MYH14: variants seen among roughly 807,000 people sequenced by gnomAD.
MYH14 encodes myosin heavy chain 14.
Under a neutral mutation model 255.5 loss-of-function variants are expected in MYH14, and 123 were observed. That is an observed-to-expected ratio of 0.48 (90% CI 0.42 to 0.56). The LOEUF is 0.56. Among genes scored for constraint, MYH14 ranks in the 20% least tolerant of loss-of-function variants. MYH14 has a pLI of 0.00. For missense variants in MYH14, 2,423 were observed against 2,802.3 expected, an observed-to-expected ratio of 0.86 and a Z score of 3.06; for synonymous variants, 1,095 against 1,161.2, an observed-to-expected ratio of 0.94 and a Z score of 1.16.
At chr19:50,243,960 C>T (rs1568491363) in intron 10 of MYH14, among the ~76,000 whole-genome samples, 1 of 151,760 alleles carries the variant, frequency 6.6e-6, no homozygotes, top group Non-Finnish European at 1.5e-5. Context: ...AAGGCCTGCC[C>T]AGTGTCAAAG....
chr19:50,280,305 C>T lies in MYH14; in HGVS notation c.4212C>T (p.Ala1404=), dbSNP rs774053333. 5.2e-6 allele frequency: 8 copies of T among 1,550,858 alleles called. No homozygotes were observed. The highest frequency in any genetic ancestry group is 3.6e-5 in the South Asian group (3 of 84,018). Residue 1404 remains alanine (A), a synonymous_variant, in exon 32 of 43, where the codon GCC becomes GCT. Transcript: ENST00000642316. The surrounding 1 kb of genome is among the most constrained non-coding windows in gnomAD (Gnocchi z 4.8). ...SRVRAMEAEA[A]GLREQLEEEA... ...TGCGAGCCATGGAGGCTGAGGCAGC[C>T]GGGCTGCGTGAGCAGCTGGAGGAGG... is the stretch of plus-strand genomic sequence containing the variant.
At chr19:50,264,910 T>C (rs1237961383) in intron 22 of MYH14, among the ~76,000 whole-genome samples, 1 of 151,800 alleles carries the variant, frequency 6.6e-6, no homozygotes, top group Non-Finnish European at 1.5e-5. Context: ...CAGGGGGAAA[T>C]TGGAAAGGAA....
intron 10 of MYH14, among the ~76,000 whole-genome samples, chr19:50,233,405 G>T (rs1404150547): frequency 6.6e-6 from 1 of 152,032 alleles, no homozygotes; most frequent in Non-Finnish European, 1.5e-5. Context: ...CCTGACATCA[G>T]GTGATCCACC....
intron 10 of MYH14, among the ~76,000 whole-genome samples, chr19:50,239,823 A>G (rs2123268561): frequency 6.6e-6 from 1 of 152,258 alleles, no homozygotes; most frequent in African/African-American, 2.4e-5. Flanking sequence ...TGCTGGGATT[A>G]CAGGCGTGAG....
chr19:50,289,782 A>T, intron 35 of MYH14, 134 bp downstream of exon 35: 2 of 769,978 alleles, frequency 2.6e-6, no homozygotes, highest in Non-Finnish European at 2.1e-6. Context: ...CCGACCACTC[A>T]GTATCTCCCC....
At chr19:50,223,874 G>A (rs1476538414) in intron 5 of MYH14, among the ~76,000 whole-genome samples, 5 of 152,140 alleles carry the variant, frequency 3.3e-5, no homozygotes, top group Non-Finnish European at 5.9e-5. Flanking sequence ...TTGGGAGGCC[G>A]AGGCAGGAGG....
Position 50,271,888 on chromosome 19 carries a change from T to C in MYH14, c.3211T>C (p.Ser1071Pro), listed in dbSNP as rs560420710. 3.7e-6 allele frequency: 6 copies of C among 1,613,392 alleles called. No individual in the cohort carries two copies. The highest frequency in any genetic ancestry group is 5.1e-6 in the Non-Finnish European group (6 of 1,179,794). Residue 1071 changes from serine (S) to proline (P), a missense_variant, in exon 26 of 43, where the codon TCC becomes CCC. Physicochemically the swap from Ser to Pro is moderately conservative, Grantham distance 74. Coordinates refer to ENST00000642316, the MANE Select transcript of MYH14 (RefSeq NM_001145809.2). ...GGAAGATCGTCTGGCCGAGTTCTCA[T>C]CCCAGGCAGCTGAGGAGGAGGAGAA... ...LLEDRLAEFS[S>P]QAAEEEEKVK... is the part of the protein sequence containing the mutation.
chr19:50,210,473 G>T lies in MYH14; in HGVS notation c.108G>T (p.Ala36=). ...PFLFTPRGPS[A]GGGPGSGTSP... The stretch of plus-strand genomic sequence containing the variant: ...TGTTCACGCCCCGCGGGCCCAGCGC[G>T]GGTGGCGGGCCTGGCTCGGGCACCT... Residue 36 remains alanine, a synonymous_variant, in exon 2 of 43, where the codon GCG becomes GCT. Coordinates refer to ENST00000642316, the MANE Select transcript of MYH14 (RefSeq NM_001145809.2). The T allele has an allele frequency of 6.5e-7, 1 of 1,549,692 alleles. No homozygotes were observed. The highest frequency in any genetic ancestry group is 8.7e-7 in the Non-Finnish European group (1 of 1,148,218).
intron 16 of MYH14, 29 bp from the exon 17 acceptor site, chr19:50,255,191 C>T (rs1016367667): frequency 6.9e-6 from 10 of 1,444,848 alleles, no homozygotes; most frequent in African/African-American, 1.4e-5. Flanking sequence ...TCCCCTCCAC[C>T]CACCCACACA....
chr19:50,212,696 C>T (rs75232314), intron 2 of MYH14, among the ~76,000 whole-genome samples: 5,846 of 152,214 alleles, frequency 0.038, 120 homozygotes, highest in Middle Eastern at 0.054. Context: ...ACTTGGAGAT[C>T]GAGGCTCTGA....
chr19:50,301,944 C>G, intron 40 of MYH14, 75 bp downstream of exon 40: 1 of 1,221,686 alleles, frequency 8.2e-7, no homozygotes. Context: ...GGCTGTGTTA[C>G]AAACACGTGG....
chr19:50,264,285 G>A (rs1458377908), intron 22 of MYH14, among the ~76,000 whole-genome samples: 1 of 152,090 alleles, frequency 6.6e-6, no homozygotes, highest in African/African-American at 2.4e-5. Flanking sequence ...GGTCACACAG[G>A]CATGGACAAG....
At chr19:50,214,318 T>A (rs2032356382) in intron 2 of MYH14, among the ~76,000 whole-genome samples, 1 of 152,178 alleles carries the variant, frequency 6.6e-6, no homozygotes, top group Non-Finnish European at 1.5e-5. Flanking sequence ...GACCTGTGCT[T>A]AATACATGTT....
chr19:50,247,142 G>A lies in MYH14; in HGVS notation c.1329+20G>A. ...GAACAGGTAGGCGGGGCTGGCGGTG[G>A]GCAGGCACAGAAAGAGCCGCGCACC... On this transcript the variant is annotated intron_variant, in intron 12 of 42. Transcript: ENST00000642316. The A allele has an allele frequency of 1.3e-6, 2 of 1,572,678 alleles. No individual in the cohort carries two copies. The highest frequency in any genetic ancestry group is 1.7e-6 in the Non-Finnish European group (2 of 1,145,232).
In MYH14 at chr19:50,280,002, G is replaced by T; in HGVS notation, c.4033-35G>T. 2 of 1,509,630 alleles carry T rather than the reference G, an allele frequency of 1.3e-6. No individual in the cohort carries two copies. The highest frequency in any genetic ancestry group is 1.2e-5 in the South Asian group (1 of 84,732). The allele number at this position is 1,509,630 out of a possible 1,614,324, so 93.5% of individuals were successfully genotyped here. On this transcript the variant is annotated intron_variant, in intron 30 of 42. Transcript: ENST00000642316. This position sits in a 1 kb window ranked among gnomAD's most constrained non-coding sequence, Gnocchi z 4.8. ...GATGGGGTCACTGGGTGGAAGCCACGATTGGAGGGCTTCATTCCCGTCCCT... is the reference window on the plus strand; with the variant it reads ...GATGGGGTCACTGGGTGGAAGCCACTATTGGAGGGCTTCATTCCCGTCCCT...
At chr19:50,286,899 C>T (rs1443696602) in intron 34 of MYH14, among the ~76,000 whole-genome samples, 1 of 152,188 alleles carries the variant, frequency 6.6e-6, no homozygotes, top group Non-Finnish European at 1.5e-5. Context: ...GGGCGGATCA[C>T]CTGAGGTCAG....
chr19:50,261,341 C>T (rs1465121103), intron 20 of MYH14, 134 bp from the exon 21 acceptor site: 1 of 3,748 alleles, frequency 2.7e-4, no homozygotes, highest in Non-Finnish European at 5.1e-4. Context: ...CCCCATTACC[C>T]CCTCTCCCCA....
intron 2 of MYH14, 49 bp from the exon 3 acceptor site, chr19:50,217,566 C>T (rs1420212859): frequency 9.3e-6 from 15 of 1,613,162 alleles, no homozygotes; most frequent in East Asian, 2.2e-5. Context: ...TGACGCCTTT[C>T]AGGCCGTGGG....
chr19:50,280,477 T>G lies in MYH14; in HGVS notation c.4290+94T>G. Reference sequence around the variant, plus strand: ...CTCAGGGATGGCCATGCTGCCCACCTTCTCATAGGCCAGACCCATGGGTGC... The same window carrying G: ...CTCAGGGATGGCCATGCTGCCCACCGTCTCATAGGCCAGACCCATGGGTGC... On this transcript the variant is annotated intron_variant, in intron 32 of 42. Coordinates refer to ENST00000642316, the MANE Select transcript of MYH14 (RefSeq NM_001145809.2). This position sits in a 1 kb window ranked among gnomAD's most constrained non-coding sequence, Gnocchi z 4.8. 7.6e-7 allele frequency: 1 copy of G among 1,320,714 alleles called. No homozygotes were observed. The highest frequency in any genetic ancestry group is 1.5e-5 in the South Asian group (1 of 66,476). 81.8% of individuals were successfully genotyped at this position (1,320,714 alleles called of 1,614,324 possible). A position where few individuals can be genotyped will look rare whatever the true frequency, so the allele number is the denominator to read the frequency against.
Sources: gnomAD v4.1 joint callset for allele counts (sites outside exome capture counted in the v4.1 genomes callset) on GRCh38, gnomAD v4.1.1 for gene constraint, Gnocchi (gnomAD v3.1) non-coding constraint, MANE v1.5 for transcripts, NCBI Gene and HGNC (gene_info 2026-07-23, HGNC 2026-07-21) for gene names.